Variants in GPHN observed in about 807,000 individuals in gnomAD.
GPHN encodes the protein gephyrin.
In GPHN, 17 loss-of-function variants were observed where a neutral mutation model predicts 95.5. That is an observed-to-expected ratio of 0.18 (90% CI 0.12 to 0.27). The LOEUF (loss-of-function observed/expected upper bound fraction) is 0.27, where lower values mean the gene tolerates loss of function less well. Ranked by LOEUF, GPHN falls within the 10% of genes least tolerant of loss-of-function variation. The probability of loss-of-function intolerance (pLI) is 1.00; values close to 1 mark genes in which losing one functional copy is unlikely to be tolerated. For synonymous variants in GPHN, 320 were observed against 322.5 expected (o/e 0.99, Z 0.08); for missense variants, 660 against 978.1 (o/e 0.67, Z 4.34).
the GPHN span, chr14:67,678,558 C>G: frequency 1.4e-5 from 8 of 589,786 alleles, no homozygotes; most frequent in Non-Finnish European, 2.4e-5. Context: ...AGTGTTTGTC[C>G]TTATCTCTTC....
intron 1 of GPHN, among the ~76,000 whole-genome samples, chr14:66,650,551 T>C (rs1217964071): frequency 6.6e-6 from 1 of 152,174 alleles, no homozygotes; most frequent in East Asian, 1.9e-4. Flanking sequence ...ATCAATGAAA[T>C]AGCAGAGTAC....
At chr14:66,763,788 C>T (rs924164098) in intron 2 of GPHN, among the ~76,000 whole-genome samples, 5 of 152,046 alleles carry the variant, frequency 3.3e-5, no homozygotes, top group African/African-American at 1.2e-4. Context: ...AGGACGTGAG[C>T]GGCAGACGTG....
chr14:66,821,277 G>T (rs185349608), intron 3 of GPHN, among the ~76,000 whole-genome samples: 242 of 152,282 alleles, frequency 1.6e-3, no homozygotes, highest in African/African-American at 5.6e-3. Flanking sequence ...AGAATAAAAA[G>T]ACTCAGTATC....
chr14:67,342,049 G>C, the GPHN span, among the ~76,000 whole-genome samples: 1 of 152,088 alleles, frequency 6.6e-6, no homozygotes, highest in East Asian at 1.9e-4. Flanking sequence ...AAACACTGCG[G>C]AAGTCTGCAG....
chr14:66,623,416 G>A (rs1595287109), intron 1 of GPHN, among the ~76,000 whole-genome samples: 2 of 152,134 alleles, frequency 1.3e-5, no homozygotes, highest in East Asian at 3.9e-4. Context: ...TTGATCATGT[G>A]ACTGGCTGCT....
the GPHN span, among the ~76,000 whole-genome samples, chr14:67,212,872 TC>T: frequency 6.6e-6 from 1 of 150,472 alleles, no homozygotes; most frequent in African/African-American, 2.5e-5. Flanking sequence ...TTTTTCACAA[TC>T]CCAGAGCCTC....
intron 5 of GPHN, among the ~76,000 whole-genome samples, chr14:66,892,587 A>C (rs10135674): frequency 0.16 from 24,420 of 152,198 alleles, 3,809 homozygotes; most frequent in East Asian, 0.45. Context: ...CAGCCTTAAA[A>C]ATTATTGTTA....
chr14:67,058,077 C>A (rs2075676997), intron 10 of GPHN, among the ~76,000 whole-genome samples: 1 of 152,268 alleles, frequency 6.6e-6, no homozygotes, highest in Non-Finnish European at 1.5e-5. Context: ...GAATAAGAAG[C>A]AGAAGCAGCA....
At chr14:66,596,844 C>A (rs1836673560) in intron 1 of GPHN, among the ~76,000 whole-genome samples, 1 of 152,184 alleles carries the variant, frequency 6.6e-6, no homozygotes, top group African/African-American at 2.4e-5. Context: ...GGAGCTTCCA[C>A]CTGTTCTTGG....
At chr14:66,935,423 C>A (rs1045348491) in intron 8 of GPHN, among the ~76,000 whole-genome samples, 1 of 150,422 alleles carries the variant, frequency 6.6e-6, no homozygotes, top group Admixed American at 6.6e-5. Flanking sequence ...TTATCCATAT[C>A]ATTTGTATAT....
In GPHN at chr14:66,508,493, C is replaced by A. The variant is rs1337335899; in HGVS notation, c.-35C>A. On this transcript the variant is annotated 5_prime_UTR_variant, in exon 1 of 23. Transcript: ENST00000478722. ...GCGCGCTCCGGGCTCCGGTTTCTCC[C>A]GGCTCCTGTCAGTGCGGTGACTGCG... 1.2e-6 allele frequency: 2 copies of A among 1,606,758 alleles called. No individual in the cohort carries two copies. The highest frequency in any genetic ancestry group is 2.2e-5 in the East Asian group (1 of 44,828).
chr14:67,289,517 G>A, the GPHN span, among the ~76,000 whole-genome samples: 61 of 151,964 alleles, frequency 4.0e-4, no homozygotes, highest in African/African-American at 1.4e-3. Flanking sequence ...GATACCGAGG[G>A]ATAACTATAT....
the GPHN span, among the ~76,000 whole-genome samples, chr14:67,295,443 T>A: frequency 2.0e-5 from 3 of 151,552 alleles, no homozygotes; most frequent in African/African-American, 7.3e-5. Context: ...TGAGCTGAGA[T>A]TGCACCACTG....
chr14:66,824,451 A>G (rs1277551354), intron 3 of GPHN, 23 bp from the exon 4 acceptor site: 4 of 1,291,122 alleles, frequency 3.1e-6, no homozygotes, highest in Non-Finnish European at 4.5e-6. Context: ...TCTGCACATG[A>G]CTATACTATT....
intron 10 of GPHN, among the ~76,000 whole-genome samples, chr14:67,031,035 T>C (rs2074173338): frequency 6.6e-6 from 1 of 151,386 alleles, no homozygotes; most frequent in African/African-American, 2.5e-5. Context: ...TTTGTTTGTT[T>C]GTTTTAACTG....
At chr14:67,389,059 A>T in the GPHN span, among the ~76,000 whole-genome samples, 1 of 151,580 alleles carries the variant, frequency 6.6e-6, no homozygotes, top group East Asian at 1.9e-4. Context: ...CTAGCAAGAA[A>T]CTTCGTGTGA....
At chr14:67,717,137 G>GT in the GPHN span, among the ~76,000 whole-genome samples, 4 of 151,970 alleles carry the variant, frequency 2.6e-5, no homozygotes, top group South Asian at 2.1e-4. Flanking sequence ...TATTTATTTA[G>GT]TTTTTTTTCC....
chr14:67,689,668 G>T, the GPHN span, among the ~76,000 whole-genome samples: 2 of 152,168 alleles, frequency 1.3e-5, no homozygotes, highest in African/African-American at 2.4e-5. Context: ...TAATGGCCAG[G>T]TGCGGTGGCT....
chr14:67,703,051 C>T, the GPHN span, among the ~76,000 whole-genome samples: 13,060 of 152,096 alleles, frequency 0.086, 807 homozygotes, highest in East Asian at 0.23. Flanking sequence ...AGCTCCTGGG[C>T]GCAAATGATC....
Sources: allele counts gnomAD v4.1 joint callset (sites outside exome capture counted in the v4.1 genomes callset), GRCh38; gene constraint gnomAD v4.1.1; transcripts MANE v1.5; gene names NCBI Gene and HGNC (gene_info 2026-07-23, HGNC 2026-07-21).